The following SYNPR variants were observed in gnomAD, a reference collection of about 807,000 sequenced individuals.
The protein encoded by SYNPR is synaptoporin.
In SYNPR, 23 loss-of-function variants were observed where a neutral mutation model predicts 32.9. The observed-to-expected ratio is 0.70, with a 90% CI of 0.50 to 0.99. The LOEUF is 0.99. SYNPR is among the 50% of genes least tolerant of loss of function. SYNPR has a pLI of 0.00. For synonymous variants in SYNPR, 146 were observed against 135.9 expected, an observed-to-expected ratio of 1.07 and a Z score of -0.52; for missense variants, 318 against 349.3, an observed-to-expected ratio of 0.91 and a Z score of 0.71.
At chr3:63,285,519 G>T (rs890822557) in intron 2 of SYNPR, among the ~76,000 whole-genome samples, 1 of 152,138 alleles carries the variant, frequency 6.6e-6, no homozygotes, top group Non-Finnish European at 1.5e-5. Context: ...ATTAATGTGG[G>T]TTTAATTACA....
chr3:63,502,190 T>C (rs1163630701), intron 3 of SYNPR, among the ~76,000 whole-genome samples: 1 of 152,144 alleles, frequency 6.6e-6, no homozygotes, highest in Non-Finnish European at 1.5e-5. Context: ...GTGGCTTGCA[T>C]TCTAGTTCTG....
chr3:63,210,344 C>G, the SYNPR span, among the ~76,000 whole-genome samples: 1 of 152,202 alleles, frequency 6.6e-6, no homozygotes. Context: ...CCAGCAGAGT[C>G]TTCACTGGAG....
Position 63,449,135 on chromosome 3 carries a change from A to C in SYNPR, c.85-31697A>C, listed in dbSNP as rs540884399. Among the ~76,000 whole-genome samples, 165 of 152,334 alleles carry C rather than the reference A, an allele frequency of 1.1e-3. No homozygotes were observed. The Middle Eastern group carries it at 0.027, about 25-fold the overall frequency. On this transcript the variant is annotated intron_variant, in intron 2 of 5. Coordinates refer to ENST00000478300, the MANE Select transcript of SYNPR (RefSeq NM_001130003.2). Reference sequence around the variant, plus strand: ...GAAGGGAAAAAAGCTTTGAAAGGAAAGAAAAGTAAAGAAGATAAAGAATAA... The same window carrying C: ...GAAGGGAAAAAAGCTTTGAAAGGAACGAAAAGTAAAGAAGATAAAGAATAA...
intron 2 of SYNPR, among the ~76,000 whole-genome samples, chr3:63,428,344 T>C (rs974155560): frequency 1.3e-5 from 2 of 152,254 alleles, no homozygotes; most frequent in Non-Finnish European, 2.9e-5. Context: ...ATCACATTAT[T>C]GCCTCTGTTT....
intron 2 of SYNPR, among the ~76,000 whole-genome samples, chr3:63,322,543 A>C (rs949493828): frequency 1.3e-5 from 2 of 152,066 alleles, no homozygotes; most frequent in Admixed American, 6.6e-5. Context: ...TCACAAATGT[A>C]AATTAATTAA....
chr3:63,365,765 A>T (rs749766501), intron 2 of SYNPR, among the ~76,000 whole-genome samples: 2 of 152,198 alleles, frequency 1.3e-5, no homozygotes, highest in African/African-American at 4.8e-5. Flanking sequence ...ATATATACGT[A>T]TGTGCACGTG....
chr3:63,437,069 G>T (rs1027588974), intron 2 of SYNPR, among the ~76,000 whole-genome samples: 2 of 152,054 alleles, frequency 1.3e-5, no homozygotes, highest in Admixed American at 1.3e-4. Flanking sequence ...TAGAGATGGG[G>T]TTTCATCATG....
intron 2 of SYNPR, among the ~76,000 whole-genome samples, chr3:63,300,485 T>C (rs1228230596): frequency 6.6e-6 from 1 of 152,114 alleles, no homozygotes; most frequent in Non-Finnish European, 1.5e-5. Flanking sequence ...AGGGACTTTG[T>C]TGGTCCCCTG....
intron 4 of SYNPR, among the ~76,000 whole-genome samples, chr3:63,571,794 C>G (rs1702891896): frequency 6.6e-6 from 1 of 152,006 alleles, no homozygotes; most frequent in Non-Finnish European, 1.5e-5. Context: ...TGAAATTTTT[C>G]CAGAAGAAAA....
At chr3:63,339,662 CTT>C (rs34889673) in intron 2 of SYNPR, among the ~76,000 whole-genome samples, 7 of 144,456 alleles carry the variant, frequency 4.8e-5, no homozygotes, top group Non-Finnish European at 3.0e-5. Context: ...TCCTTGTGTT[CTT>C]TTTTTTTTTT....
At chr3:63,509,420 T>A (rs1701654024) in intron 3 of SYNPR, among the ~76,000 whole-genome samples, 2 of 151,750 alleles carry the variant, frequency 1.3e-5, no homozygotes, top group South Asian at 2.1e-4. Flanking sequence ...TAAAAATAAA[T>A]CTTTTCTAAG....
chr3:63,440,266 G>A (rs1700148414), intron 2 of SYNPR, among the ~76,000 whole-genome samples: 1 of 152,170 alleles, frequency 6.6e-6, no homozygotes, highest in Non-Finnish European at 1.5e-5. Flanking sequence ...CATGGAAGGT[G>A]AGTGTGGCTG....
intron 2 of SYNPR, among the ~76,000 whole-genome samples, chr3:63,262,941 CT>C (rs1332598604): frequency 6.6e-6 from 1 of 152,132 alleles, no homozygotes; most frequent in African/African-American, 2.4e-5. Context: ...TATTTGCATA[CT>C]AATAAAATTG....
chr3:63,247,608 G>A (rs750938244), intron 1 of SYNPR, among the ~76,000 whole-genome samples: 1 of 152,058 alleles, frequency 6.6e-6, no homozygotes, highest in Non-Finnish European at 1.5e-5. Context: ...TCCCCAAATT[G>A]TTGGCTTGAG....
At chr3:63,269,924 A>G (rs963827052) in intron 3 of SYNPR, among the ~76,000 whole-genome samples, 2 of 152,184 alleles carry the variant, frequency 1.3e-5, no homozygotes, top group African/African-American at 4.8e-5. Flanking sequence ...TTCTTATGGG[A>G]GTTGGAGGTA....
upstream of SYNPR, among the ~76,000 whole-genome samples, chr3:63,277,728 T>C (rs2086590085): frequency 6.6e-6 from 1 of 152,150 alleles, no homozygotes; most frequent in African/African-American, 2.4e-5. Context: ...CAGGCCAAGA[T>C]GGATCCCCTG....
chr3:63,279,049 G>C (rs2086603512), intron 2 of SYNPR, among the ~76,000 whole-genome samples: 1 of 152,142 alleles, frequency 6.6e-6, no homozygotes, highest in Admixed American at 6.5e-5. Flanking sequence ...AGATAGGGGA[G>C]GGGGGCGCAT....
chr3:63,299,422 T>A (rs2086821360), intron 2 of SYNPR, among the ~76,000 whole-genome samples: 1 of 152,124 alleles, frequency 6.6e-6, no homozygotes, highest in Non-Finnish European at 1.5e-5. Flanking sequence ...TTTTCTGTTT[T>A]TGTTTTGTTT....
chr3:63,378,606 T>C (rs2087924660), intron 2 of SYNPR, among the ~76,000 whole-genome samples: 1 of 152,054 alleles, frequency 6.6e-6, no homozygotes, highest in Admixed American at 6.6e-5. Flanking sequence ...TATTCTGTTC[T>C]GTTTCAACAT....
Sources: gnomAD v4.1 joint callset for allele counts (sites outside exome capture counted in the v4.1 genomes callset) on GRCh38, gnomAD v4.1.1 for gene constraint, MANE v1.5 for transcripts, NCBI Gene and HGNC (gene_info 2026-07-23, HGNC 2026-07-21) for gene names.